LRBA: variants seen among roughly 807,000 people sequenced by gnomAD.
The protein encoded by LRBA is lipopolysaccharide-responsive and beige-like anchor protein.
A neutral mutation model predicts 330.0 loss-of-function variants in LRBA; 176 were observed. The ratio of observed to expected loss-of-function variants is 0.53; its 90% CI spans 0.47 to 0.60. The LOEUF (loss-of-function observed/expected upper bound fraction) is 0.60. Ranked by LOEUF, LRBA falls within the 20% of genes least tolerant of loss-of-function variation. The pLI, the probability that LRBA is intolerant of heterozygous loss-of-function variation, is 0.00. For missense variants in LRBA, 3,259 were observed against 3,444.8 expected (o/e 0.95, Z 1.35); for synonymous variants, 1,230 against 1,193.0 (o/e 1.03, Z -0.64).
intron 40 of LRBA, among the ~76,000 whole-genome samples, chr4:150,574,614 T>C (rs1770298995): frequency 6.6e-6 from 1 of 152,090 alleles, no homozygotes; most frequent in Admixed American, 6.5e-5. Context: ...TCCTTTTATC[T>C]ATCCAGGTAT....
intron 37 of LRBA, among the ~76,000 whole-genome samples, chr4:150,664,895 TCA>T (rs1444566960): frequency 6.6e-5 from 10 of 152,232 alleles, no homozygotes; most frequent in East Asian, 1.9e-4. Flanking sequence ...GAGACATAAC[TCA>T]CATATAATTT....
chr4:150,304,591 G>C (rs1438775493), intron 52 of LRBA, among the ~76,000 whole-genome samples: 1 of 151,928 alleles, frequency 6.6e-6, no homozygotes, highest in Non-Finnish European at 1.5e-5. Context: ...AATTTCTTCA[G>C]CCTTTTAAGT....
At chr4:150,283,462 G>C (rs1394180387) in intron 54 of LRBA, among the ~76,000 whole-genome samples, 1 of 152,184 alleles carries the variant, frequency 6.6e-6, no homozygotes, top group East Asian at 1.9e-4. Flanking sequence ...CAAGTTCCAA[G>C]AGATAGTCAG....
Position 150,585,814 on chromosome 4 carries a change from T to A in LRBA, c.6330+2234A>T, listed in dbSNP as rs545219839. Among the ~76,000 whole-genome samples the A allele has an allele frequency of 5.3e-4, 81 of 152,140 alleles. 1 individual carries two copies. The East Asian group carries it at 0.014, about 26-fold the overall frequency. On this transcript the variant is annotated intron_variant, in intron 40 of 56. Transcript: ENST00000651943. ...AATTTTAAAGATCAGAGGAAGAAGT[T>A]TGAGAGGGGGAAGGGCTGTATGGAG...
intron 36 of LRBA, among the ~76,000 whole-genome samples, chr4:150,689,297 C>T (rs572422969): frequency 4.6e-5 from 7 of 151,828 alleles, no homozygotes; most frequent in African/African-American, 1.5e-4. Flanking sequence ...CATCATACAC[C>T]GGGGCCTGTA....
At chr4:150,288,239 A>C (rs111456013) in intron 53 of LRBA, among the ~76,000 whole-genome samples, 544 of 151,532 alleles carry the variant, frequency 3.6e-3, no homozygotes, top group African/African-American at 0.012. Context: ...TCGGCCTCCC[A>C]AAGTGCTGGG....
At chr4:150,858,319 C>A (rs1284754937) in intron 22 of LRBA, among the ~76,000 whole-genome samples, 1 of 151,682 alleles carries the variant, frequency 6.6e-6, no homozygotes, top group Non-Finnish European at 1.5e-5. Flanking sequence ...TATAATGGCA[C>A]CTGTAAAGAA....
intron 47 of LRBA, among the ~76,000 whole-genome samples, chr4:150,389,667 A>G (rs1743606712): frequency 9.7e-6 from 1 of 103,458 alleles, no homozygotes; most frequent in Admixed American, 1.4e-4. Flanking sequence ...ACAGAGCAAG[A>G]CTCTGTCTCA....
intron 44 of LRBA, among the ~76,000 whole-genome samples, chr4:150,449,315 TCTGCTACTA>T (rs1753055753): frequency 6.6e-6 from 1 of 151,460 alleles, no homozygotes; most frequent in South Asian, 2.1e-4. Flanking sequence ...AAAGAAGAGG[TCTGCTACTA>T]CTGGGAGAAG....
intron 47 of LRBA, among the ~76,000 whole-genome samples, chr4:150,396,398 G>T (rs1474060551): frequency 6.6e-6 from 1 of 151,180 alleles, no homozygotes; most frequent in African/African-American, 2.4e-5. Flanking sequence ...CCAGCCTCTG[G>T]GTCTCTAGCT....
At chr4:150,389,234 G>A (rs986211229) in intron 47 of LRBA, among the ~76,000 whole-genome samples, 6 of 152,100 alleles carry the variant, frequency 3.9e-5, no homozygotes, top group Non-Finnish European at 5.9e-5. Flanking sequence ...ACACGTGCCT[G>A]TAGTCCCAGC....
At chr4:150,548,814 T>A (rs890386541) in intron 40 of LRBA, among the ~76,000 whole-genome samples, 1 of 152,186 alleles carries the variant, frequency 6.6e-6, no homozygotes. Flanking sequence ...TCAACAATTG[T>A]ATGAGGTAGT....
At chr4:150,660,555 G>C (rs1226042926) in intron 37 of LRBA, among the ~76,000 whole-genome samples, 16 of 149,556 alleles carry the variant, frequency 1.1e-4, no homozygotes, top group Non-Finnish European at 2.3e-4. Flanking sequence ...GCCACCACCC[G>C]GTCTGGGAGG....
At chr4:150,591,117 A>G (rs778719239) in intron 38 of LRBA, among the ~76,000 whole-genome samples, 1 of 152,132 alleles carries the variant, frequency 6.6e-6, no homozygotes, top group Non-Finnish European at 1.5e-5. Context: ...CAAACCATTT[A>G]TTTACTTATA....
At chr4:150,711,486 C>T (rs1337580274) in intron 36 of LRBA, among the ~76,000 whole-genome samples, 1 of 152,122 alleles carries the variant, frequency 6.6e-6, no homozygotes, top group Non-Finnish European at 1.5e-5. Context: ...GATCCACCCA[C>T]CTCAGCCTCC....
chr4:150,491,458 C>T lies in LRBA; in HGVS notation c.6331-423G>A, dbSNP rs926821240. On this transcript the variant is annotated intron_variant, in intron 40 of 56. Transcript: ENST00000651943. The stretch of plus-strand genomic sequence containing the variant: ...TCAGTTTCACATGATTATAATTTGC[C>T]CAATAATGCTTTTACATACATTATA... Among the ~76,000 whole-genome samples the T allele has an allele frequency of 1.3e-5, 2 of 151,816 alleles. 1 individual carries two copies. The highest frequency in any genetic ancestry group is 4.2e-4 in the South Asian group (2 of 4,808).
At chr4:150,895,619 T>A (rs1729982991) in intron 16 of LRBA, among the ~76,000 whole-genome samples, 2 of 152,246 alleles carry the variant, frequency 1.3e-5, no homozygotes, top group African/African-American at 4.8e-5. Flanking sequence ...GAACTCATCC[T>A]TTTTTATGGC....
chr4:150,933,023 T>C (rs1561024777), intron 2 of LRBA, among the ~76,000 whole-genome samples: 3 of 152,154 alleles, frequency 2.0e-5, no homozygotes, highest in African/African-American at 7.2e-5. Flanking sequence ...TATAGACACA[T>C]TTATGTATCT....
rs934510804 is a variant in LRBA at position 150,267,773 on chromosome 4, G to A, written c.8469-1961C>T. The stretch of plus-strand genomic sequence containing the variant: ...GACAAACCTCTAGCTAGACTAAGAT[G>A]ACTTGGCTGGGCATGGTGGATCATG... On this transcript the variant is annotated intron_variant, in intron 56 of 56. Coordinates refer to ENST00000651943, the MANE Select transcript of LRBA (RefSeq NM_001364905.1). 5.9e-5 allele frequency among the ~76,000 whole-genome samples: 9 copies of A among 152,236 alleles called. 1 individual carries two copies. Among genetic ancestry groups the A allele is most frequent in the Non-Finnish European group, 8.8e-5 (6 of 68,008 alleles).
Sources: allele counts gnomAD v4.1 joint callset (sites outside exome capture counted in the v4.1 genomes callset), GRCh38; gene constraint gnomAD v4.1.1; transcripts MANE v1.5; gene names NCBI Gene and HGNC (gene_info 2026-07-23, HGNC 2026-07-21).